TOM1L2: variants seen among roughly 807,000 people sequenced by gnomAD.
The protein encoded by TOM1L2 is TOM1-like protein 2.
TOM1L2 carries 31 observed loss-of-function variants against 67.9 expected under a neutral mutation model. The observed-to-expected ratio is 0.46, with a 90% CI of 0.34 to 0.62. TOM1L2 has a LOEUF of 0.62. TOM1L2 is among the 20% of genes least tolerant of loss of function. The probability of loss-of-function intolerance (pLI) is 0.01; values close to 1 mark genes in which losing one functional copy is unlikely to be tolerated. For synonymous variants in TOM1L2, 256 were observed against 254.0 expected (o/e 1.01, Z -0.07); for missense variants, 606 against 663.5 (o/e 0.91, Z 0.95).
chr17:17,955,335 T>G (rs2041387280), intron 1 of TOM1L2, among the ~76,000 whole-genome samples: 2 of 146,930 alleles, frequency 1.4e-5, no homozygotes, highest in East Asian at 2.0e-4. Flanking sequence ...CTTTTTTTTT[T>G]TTTTTTTTTT....
chr17:17,963,865 T>A (rs1328330951), intron 1 of TOM1L2, among the ~76,000 whole-genome samples: 1 of 152,204 alleles, frequency 6.6e-6, no homozygotes, highest in African/African-American at 2.4e-5. Context: ...CTATATTAGT[T>A]GATTGCAGGA....
At position 17,845,195 on chromosome 17, in the gene TOM1L2, G is replaced by A. The variant is rs986868829; in HGVS notation, c.*2440C>T. The A allele has an allele frequency of 6.6e-6, 1 of 152,224 alleles. No individual in the cohort carries two copies. The highest frequency in any genetic ancestry group is 1.5e-5 in the Non-Finnish European group (1 of 68,024). The allele number at this position is 152,224 out of a possible 1,614,324, so 9.4% of individuals were successfully genotyped here. On this transcript the variant is annotated 3_prime_UTR_variant, in exon 15 of 15. Coordinates refer to ENST00000379504, the MANE Select transcript of TOM1L2 (RefSeq NM_001082968.2). Reference sequence around the variant, plus strand: ...GGCAGGCTACCTCCGGATAGGAGGTGCAAGCAGGCCACCTGAGGGGTGGCT... The same window carrying A: ...GGCAGGCTACCTCCGGATAGGAGGTACAAGCAGGCCACCTGAGGGGTGGCT...
chr17:17,866,401 C>T lies in TOM1L2; in HGVS notation c.979G>A (p.Glu327Lys), dbSNP rs757520450. 8.1e-6 allele frequency: 13 copies of T among 1,602,314 alleles called. No homozygotes were observed. Among genetic ancestry groups the T allele is most frequent in the South Asian group, 3.4e-5 (3 of 89,242 alleles). ...ASNGVLNEVT[E>K]DNLIDLGPGS... is the part of the protein sequence containing the mutation. ...GGCCCCAGGTCTATTAAGTTGTCTTCGGTTACTTCATTCAGTACCTGTCAG... is the reference window on the plus strand; with the variant it reads ...GGCCCCAGGTCTATTAAGTTGTCTTTGGTTACTTCATTCAGTACCTGTCAG... The change falls in exon 10 of 15, where the codon GAA becomes AAA. Residue 327 changes from glutamate (E) to lysine (K), a missense_variant. Glu to Lys is a moderately conservative substitution (Grantham distance 56). Coordinates refer to ENST00000379504, the MANE Select transcript of TOM1L2 (RefSeq NM_001082968.2).
At chr17:17,901,567 G>C (rs1281899276) in intron 2 of TOM1L2, among the ~76,000 whole-genome samples, 1 of 152,160 alleles carries the variant, frequency 6.6e-6, no homozygotes, top group Non-Finnish European at 1.5e-5. Flanking sequence ...TTCAGCTTCA[G>C]GACTACTCTC....
chr17:17,908,680 G>GA (rs1412651111), intron 1 of TOM1L2, among the ~76,000 whole-genome samples: 3 of 152,142 alleles, frequency 2.0e-5, no homozygotes, highest in African/African-American at 7.2e-5. Flanking sequence ...ACAAGTATGT[G>GA]AAAAGAGGTT....
chr17:17,900,521 CAAAA>C (rs546614872), intron 2 of TOM1L2, among the ~76,000 whole-genome samples: 7 of 58,838 alleles, frequency 1.2e-4, no homozygotes, highest in African/African-American at 2.9e-4. Flanking sequence ...GACTCCATCT[CAAAA>C]AAAAAAAAAA....
At chr17:17,885,448 A>C (rs906511236) in intron 4 of TOM1L2, among the ~76,000 whole-genome samples, 8 of 152,354 alleles carry the variant, frequency 5.3e-5, no homozygotes, top group African/African-American at 1.9e-4. Flanking sequence ...TCCTTTTCCC[A>C]GACCCAAGCT....
intron 1 of TOM1L2, among the ~76,000 whole-genome samples, chr17:17,936,212 G>C (rs748067352): frequency 2.0e-5 from 3 of 152,080 alleles, no homozygotes; most frequent in Non-Finnish European, 4.4e-5. Flanking sequence ...CACACATTCT[G>C]TTCTCTCTGC....
At chr17:17,885,558 T>C (rs2037951442) in intron 4 of TOM1L2, among the ~76,000 whole-genome samples, 1 of 152,104 alleles carries the variant, frequency 6.6e-6, no homozygotes, top group Non-Finnish European at 1.5e-5. Flanking sequence ...AGTGAAAACA[T>C]ATCACAGAGA....
intron 1 of TOM1L2, among the ~76,000 whole-genome samples, chr17:17,955,391 T>TA (rs2041394685): frequency 7.0e-6 from 1 of 141,874 alleles, no homozygotes; most frequent in Non-Finnish European, 1.5e-5. Context: ...CAGGCTGGAG[T>TA]ACAGTGACGA....
At chr17:17,915,645 A>G (rs1411529527) in intron 1 of TOM1L2, among the ~76,000 whole-genome samples, 3 of 152,032 alleles carry the variant, frequency 2.0e-5, no homozygotes, top group African/African-American at 4.8e-5. Flanking sequence ...CCTCCCAAGT[A>G]GCTGGGACTT....
intron 1 of TOM1L2, among the ~76,000 whole-genome samples, chr17:17,932,626 G>A (rs1446350280): frequency 6.6e-6 from 1 of 152,146 alleles, no homozygotes; most frequent in East Asian, 1.9e-4. Context: ...GCAGGCATGG[G>A]ATGTGGTGGG....
intron 7 of TOM1L2, among the ~76,000 whole-genome samples, chr17:17,878,933 C>A (rs1176711221): frequency 6.6e-6 from 1 of 152,200 alleles, no homozygotes; most frequent in East Asian, 1.9e-4. Context: ...GGAAACAGGC[C>A]TGAGGTGGGG....
intron 4 of TOM1L2, among the ~76,000 whole-genome samples, chr17:17,893,133 C>G (rs981027306): frequency 6.6e-6 from 1 of 152,254 alleles, no homozygotes; most frequent in African/African-American, 2.4e-5. Context: ...GCCAACTGCT[C>G]TCTTTGATGC....
intron 1 of TOM1L2, among the ~76,000 whole-genome samples, chr17:17,915,192 C>A (rs2039578386): frequency 6.6e-6 from 1 of 152,114 alleles, no homozygotes; most frequent in African/African-American, 2.4e-5. Flanking sequence ...GTGATGGTAT[C>A]CTTTCATGAA....
At chr17:17,862,911 G>T in intron 10 of TOM1L2, 63 bp from the exon 11 acceptor site, 1 of 1,324,538 alleles carries the variant, frequency 7.5e-7, no homozygotes, top group Non-Finnish European at 1.1e-6. Context: ...ATCTGATGAA[G>T]GGCCCCCAAG....
In TOM1L2 at chr17:17,910,253, G is replaced by A. The variant is rs530752123; in HGVS notation, c.53-2722C>T. Among the ~76,000 whole-genome samples the A allele has an allele frequency of 4.7e-4, 72 of 152,306 alleles. No individual in the cohort carries two copies. The South Asian group carries it at 0.014, about 30-fold the overall frequency. On this transcript the variant is annotated intron_variant, in intron 1 of 14. Transcript: ENST00000379504. Reference sequence around the variant, plus strand: ...AAGGTCCAGGAGCTCAGGATCGTCAGTGGCAGAGCCAGGACTACAGCCAGG... The same window carrying A: ...AAGGTCCAGGAGCTCAGGATCGTCAATGGCAGAGCCAGGACTACAGCCAGG...
chr17:17,952,817 G>A (rs923677583), intron 1 of TOM1L2, among the ~76,000 whole-genome samples: 2 of 152,170 alleles, frequency 1.3e-5, no homozygotes, highest in Non-Finnish European at 2.9e-5. Flanking sequence ...CAGCCTCTGG[G>A]GTAGAGGAAC....
chr17:17,858,235 T>TTTTTTTTTC lies in TOM1L2; in HGVS notation c.1278+3240_1278+3241insGAAAAAAAA, dbSNP rs35672484. On this transcript the variant is annotated intron_variant, in intron 12 of 14. Coordinates refer to ENST00000379504, the MANE Select transcript of TOM1L2 (RefSeq NM_001082968.2). ...TTTTTCTTTTTCCTACATTTTTTTT[T>TTTTTTTTTC]TCTCTTTTCTAGTGGCATGTGTATT... 28 of 169,182 alleles carry TTTTTTTTTC rather than the reference T, an allele frequency of 1.7e-4. No individual in the cohort carries two copies. In the East Asian group the frequency reaches 4.6e-3, roughly 28 times the overall value. The allele number at this position is 169,182 out of a possible 1,614,324, so 10.5% of individuals were successfully genotyped here.
Sources: allele counts gnomAD v4.1 joint callset (sites outside exome capture counted in the v4.1 genomes callset), GRCh38; gene constraint gnomAD v4.1.1; transcripts MANE v1.5; gene names NCBI Gene and HGNC (gene_info 2026-07-23, HGNC 2026-07-21).